Variants in ZBBX observed in about 807,000 individuals in gnomAD.
ZBBX encodes the protein zinc finger B-box domain-containing protein 1.
In ZBBX, 101 loss-of-function variants were observed where a neutral mutation model predicts 108.5. The observed-to-expected ratio is 0.93, with a 90% CI of 0.79 to 1.10. The LOEUF (loss-of-function observed/expected upper bound fraction) is 1.10. ZBBX is among the 50% of genes least tolerant of loss of function. The pLI, the probability that ZBBX is intolerant of heterozygous loss-of-function variation, is 0.00. For missense variants in ZBBX, 1,009 were observed against 941.4 expected, an observed-to-expected ratio of 1.07 and a Z score of -0.94; for synonymous variants, 356 against 323.4, an observed-to-expected ratio of 1.10 and a Z score of -1.08.
At chr3:167,224,689 A>C in the ZBBX span, among the ~76,000 whole-genome samples, 3 of 151,930 alleles carry the variant, frequency 2.0e-5, no homozygotes, top group Admixed American at 2.0e-4. Flanking sequence ...ACTCTGGCAA[A>C]AGTATATTTG....
intron 8 of ZBBX, among the ~76,000 whole-genome samples, chr3:167,352,261 G>A (rs545149999): frequency 1.3e-5 from 2 of 152,122 alleles, no homozygotes; most frequent in African/African-American, 4.8e-5. Context: ...AGAAAAATGA[G>A]AGAGGATTCA....
the ZBBX span, among the ~76,000 whole-genome samples, chr3:167,233,166 T>A: frequency 6.6e-6 from 1 of 151,660 alleles, no homozygotes; most frequent in Non-Finnish European, 1.5e-5. Flanking sequence ...AGGCCATGTT[T>A]CAATAACACA....
intron 19 of ZBBX, among the ~76,000 whole-genome samples, chr3:167,285,027 C>A (rs538747604): frequency 6.6e-6 from 1 of 151,912 alleles, no homozygotes. Flanking sequence ...GAGTAACATG[C>A]GCCATCACTG....
At chr3:167,379,341 C>T (rs1371275290) in intron 2 of ZBBX, among the ~76,000 whole-genome samples, 3 of 151,970 alleles carry the variant, frequency 2.0e-5, no homozygotes, top group Non-Finnish European at 4.4e-5. Flanking sequence ...AATTAAAAAG[C>T]GAATAAAATA....
At chr3:167,216,187 T>C in the ZBBX span, among the ~76,000 whole-genome samples, 4 of 152,052 alleles carry the variant, frequency 2.6e-5, no homozygotes, top group African/African-American at 4.8e-5. Context: ...TCAAACTATC[T>C]CTGTTTGCAT....
the ZBBX span, among the ~76,000 whole-genome samples, chr3:167,214,485 T>C: frequency 6.6e-6 from 1 of 152,160 alleles, no homozygotes; most frequent in East Asian, 1.9e-4. Context: ...CCCAGATTCA[T>C]TAAGCAAGTT....
intron 10 of ZBBX, among the ~76,000 whole-genome samples, chr3:167,329,630 A>G (rs1049505273): frequency 2.0e-5 from 3 of 152,206 alleles, no homozygotes; most frequent in African/African-American, 7.2e-5. Context: ...GCAGCATTCC[A>G]GAGAAAGGAA....
the ZBBX span, among the ~76,000 whole-genome samples, chr3:167,190,411 C>T: frequency 1.5e-5 from 2 of 132,086 alleles, no homozygotes; most frequent in South Asian, 4.8e-4. Flanking sequence ...GACGGAGTCT[C>T]TCTCTGTCGC....
At chr3:167,184,024 T>C in the ZBBX span, among the ~76,000 whole-genome samples, 48,696 of 152,064 alleles carry the variant, frequency 0.32, 8,215 homozygotes, top group East Asian at 0.65. Context: ...AAATGAATGA[T>C]GAGTTCAGAA....
At chr3:167,221,897 C>A in the ZBBX span, among the ~76,000 whole-genome samples, 1 of 151,754 alleles carries the variant, frequency 6.6e-6, no homozygotes, top group African/African-American at 2.4e-5. Context: ...TGGTTTTTAT[C>A]CAAAAGACAG....
rs1747976600 is a variant in ZBBX, at chr3:167,388,167, A to G, written c.-445-7762T>C. On this transcript the variant is annotated intron_variant, in intron 1 of 21. Transcript: ENST00000455345. ...GAAAACCTCTCTGAGCAACATTTGC[A>G]AAGAGCCACGTTAAATGAGGAGCAA... Among the ~76,000 whole-genome samples, 5 of 152,038 alleles carry G rather than the reference A, an allele frequency of 3.3e-5. No individual in the cohort carries two copies. The South Asian group carries it at 8.3e-4, about 25-fold the overall frequency.
chr3:167,367,431 A>G (rs1198565529), intron 5 of ZBBX, among the ~76,000 whole-genome samples: 2 of 151,902 alleles, frequency 1.3e-5, no homozygotes, highest in African/African-American at 4.8e-5. Flanking sequence ...AATAAATGCT[A>G]TTATATCCAC....
chr3:167,218,985 G>C, the ZBBX span, among the ~76,000 whole-genome samples: 1 of 54,354 alleles, frequency 1.8e-5, no homozygotes, highest in African/African-American at 1.1e-4. Context: ...AGCTATACTT[G>C]TATCAAAAAA....
At chr3:167,287,020 T>A (rs1197056786) in intron 19 of ZBBX, among the ~76,000 whole-genome samples, 3 of 152,132 alleles carry the variant, frequency 2.0e-5, no homozygotes, top group Non-Finnish European at 4.4e-5. Flanking sequence ...ATATTATAAC[T>A]TTTTAAAGAC....
intron 19 of ZBBX, among the ~76,000 whole-genome samples, chr3:167,285,862 T>C (rs1729597726): frequency 6.6e-6 from 1 of 152,088 alleles, no homozygotes; most frequent in Non-Finnish European, 1.5e-5. Context: ...TACTGAGCAC[T>C]TACAATAGGC....
chr3:167,201,055 T>G, the ZBBX span, among the ~76,000 whole-genome samples: 1 of 152,284 alleles, frequency 6.6e-6, no homozygotes, highest in South Asian at 2.1e-4. Flanking sequence ...TCAAACTTCT[T>G]TATGCTTCAA....
At chr3:167,282,139 C>A (rs1728912236) in intron 20 of ZBBX, 99 bp downstream of exon 20, 1 of 1,292,766 alleles carries the variant, frequency 7.7e-7, no homozygotes, top group Admixed American at 2.4e-5. Flanking sequence ...GGAAAGCTTT[C>A]TTGTTTGCTG....
At chr3:167,305,581 A>G (rs986300497) in intron 17 of ZBBX, 62 bp downstream of exon 17, 2 of 1,261,318 alleles carry the variant, frequency 1.6e-6, no homozygotes, top group African/African-American at 1.5e-5. Flanking sequence ...TTGTGTCACT[A>G]AGACATTTTC....
At chr3:167,265,088 T>C (rs960549464) in intron 20 of ZBBX, among the ~76,000 whole-genome samples, 1 of 152,234 alleles carries the variant, frequency 6.6e-6, no homozygotes, top group Non-Finnish European at 1.5e-5. Context: ...GCCAAGCTGG[T>C]AGCCAGGGTA....
Sources: gnomAD v4.1 joint callset for allele counts (sites outside exome capture counted in the v4.1 genomes callset) on GRCh38, gnomAD v4.1.1 for gene constraint, MANE v1.5 for transcripts, NCBI Gene and HGNC (gene_info 2026-07-23, HGNC 2026-07-21) for gene names.